Variants in PRKACB observed in about 807,000 individuals in gnomAD.
PRKACB encodes protein kinase cAMP-activated catalytic subunit beta, also known as cAMP-dependent protein kinase catalytic subunit beta.
A neutral mutation model predicts 51.4 loss-of-function variants in PRKACB; 16 were observed. The ratio of observed to expected loss-of-function variants is 0.31; its 90% confidence interval spans 0.21 to 0.47. The LOEUF (loss-of-function observed/expected upper bound fraction) is 0.47, where lower values mean the gene tolerates loss of function less well. Ranked by LOEUF, PRKACB falls within the 20% of genes least tolerant of loss-of-function variation. PRKACB has a pLI of 1.00. For synonymous variants in PRKACB, 147 were observed against 154.4 expected, an observed-to-expected ratio of 0.95 and a Z score of 0.35; for missense variants, 309 against 464.5, an observed-to-expected ratio of 0.67 and a Z score of 3.08.
intron 8 of PRKACB, among the ~76,000 whole-genome samples, chr1:84,206,207 C>T (rs1671319595): frequency 6.6e-6 from 1 of 152,070 alleles, no homozygotes; most frequent in African/African-American, 2.4e-5. Flanking sequence ...TGTTCCACTC[C>T]TAATGAGTAA....
At chr1:84,131,357 A>T (rs943968862) in intron 1 of PRKACB, among the ~76,000 whole-genome samples, 1 of 151,522 alleles carries the variant, frequency 6.6e-6, no homozygotes, top group Non-Finnish European at 1.5e-5. Context: ...AAAAAAAAAA[A>T]TTAATTCTAA....
At chr1:84,232,093 T>C (rs1342559789) in intron 9 of PRKACB, among the ~76,000 whole-genome samples, 2 of 152,186 alleles carry the variant, frequency 1.3e-5, no homozygotes, top group African/African-American at 4.8e-5. Context: ...CTGCTTTGAA[T>C]GTGTCCCAGA....
intron 9 of PRKACB, among the ~76,000 whole-genome samples, chr1:84,227,339 T>C (rs1459821319): frequency 6.6e-6 from 1 of 152,164 alleles, no homozygotes. Flanking sequence ...CATTTCCCTT[T>C]CTAATTATCA....
intron 1 of PRKACB, chr1:84,175,770 C>T: frequency 6.4e-7 from 1 of 1,558,872 alleles, no homozygotes; most frequent in Non-Finnish European, 8.7e-7. Context: ...GTGAATGTTC[C>T]TGCAAACAAA....
intron 3 of PRKACB, 59 bp from the exon 4 acceptor site, chr1:84,183,978 A>C: frequency 9.7e-6 from 14 of 1,436,746 alleles, no homozygotes; most frequent in Non-Finnish European, 1.3e-5. Context: ...CATTTTTTTA[A>C]ATGATAACTT....
At chr1:84,137,369 A>G (rs1318261384) in intron 1 of PRKACB, among the ~76,000 whole-genome samples, 1 of 152,206 alleles carries the variant, frequency 6.6e-6, no homozygotes, top group African/African-American at 2.4e-5. Context: ...GTGGTAAAAA[A>G]TATCATTAGG....
intron 8 of PRKACB, among the ~76,000 whole-genome samples, chr1:84,208,888 T>C (rs966715004): frequency 2.0e-5 from 3 of 152,198 alleles, no homozygotes; most frequent in Non-Finnish European, 4.4e-5. Context: ...TGTATGTAAG[T>C]AGAGTTGGGA....
At position 84,221,399 on chromosome 1, in the gene PRKACB, T is replaced by G. The variant is rs532184061; in HGVS notation, c.1071+7082T>G. Among the ~76,000 whole-genome samples the G allele has an allele frequency of 3.7e-4, 56 of 152,114 alleles. No individual in the cohort carries two copies. In the South Asian group the frequency reaches 8.9e-3, roughly 24 times the overall value. On this transcript the variant is annotated intron_variant, in intron 9 of 9. Coordinates refer to ENST00000370685, the MANE Select transcript of PRKACB (RefSeq NM_182948.4). Reference sequence around the variant, plus strand: ...GTTATTTTTTTAAAAAAAAAACCTTTCATTTTTATGATCCTTTGTATGTTT... The same window carrying G: ...GTTATTTTTTTAAAAAAAAAACCTTGCATTTTTATGATCCTTTGTATGTTT...
intron 1 of PRKACB, among the ~76,000 whole-genome samples, chr1:84,160,307 T>C (rs1229045181): frequency 6.6e-6 from 1 of 151,928 alleles, no homozygotes; most frequent in Non-Finnish European, 1.5e-5. Context: ...AGTTTTTCCA[T>C]TTCATCTGTT....
chr1:84,230,912 A>G (rs1572593911), intron 9 of PRKACB, among the ~76,000 whole-genome samples: 1 of 142,630 alleles, frequency 7.0e-6, no homozygotes. Context: ...CTAATTGAAT[A>G]CCCTTTATTT....
rs576378880 is a variant in PRKACB, at chr1:84,196,527, C to G, written c.561-89C>G. 6.1e-6 allele frequency: 8 copies of G among 1,312,922 alleles called. No homozygotes were observed. The Admixed American group carries it at 1.5e-4, about 24-fold the overall frequency. 81.3% of individuals were successfully genotyped at this position (1,312,922 alleles called of 1,614,324 possible). On this transcript the variant is annotated intron_variant, in intron 5 of 9. Transcript: ENST00000370685. Reference sequence around the variant, plus strand: ...AATACTTTTTGTTCCCAAAGTACCTCTACTTCATATTAGTTTTTATGCATA... The same window carrying G: ...AATACTTTTTGTTCCCAAAGTACCTGTACTTCATATTAGTTTTTATGCATA...
At position 84,237,938 on chromosome 1, in the gene PRKACB, G is replaced by A. The variant is rs1676798055; in HGVS notation, c.*2633G>A. 1 of 152,126 alleles carries A rather than the reference G, an allele frequency of 6.6e-6. No homozygotes were observed. Among genetic ancestry groups the A allele is most frequent in the South Asian group, 2.1e-4 (1 of 4,830 alleles). 9.4% of individuals were successfully genotyped at this position (152,126 alleles called of 1,614,324 possible). Reference sequence around the variant, plus strand: ...TGTAAGATTCCTCCTAACTTTCACAGTCGATGACAAGATTGTCTTTTTATC... The same window carrying A: ...TGTAAGATTCCTCCTAACTTTCACAATCGATGACAAGATTGTCTTTTTATC... On this transcript the variant is annotated 3_prime_UTR_variant, in exon 10 of 10. Coordinates refer to ENST00000370685, the MANE Select transcript of PRKACB (RefSeq NM_182948.4).
At chr1:84,130,807 T>A (rs1652108412) in intron 1 of PRKACB, among the ~76,000 whole-genome samples, 1 of 152,190 alleles carries the variant, frequency 6.6e-6, no homozygotes, top group South Asian at 2.1e-4. Flanking sequence ...AAATAAGTGA[T>A]ACCAGAGAGA....
rs1031892363 is a variant in PRKACB, at chr1:84,078,229, C to A, written c.-97C>A. 8.6e-6 allele frequency: 12 copies of A among 1,396,826 alleles called. No homozygotes were observed. The African/African-American group carries it at 1.6e-4, about 19-fold the overall frequency. 86.5% of individuals were successfully genotyped at this position (1,396,826 alleles called of 1,614,324 possible). ...GCGCTAGGCGCACTCACCGCTCTGA[C>A]GGGTGCAGACGCGGGAGTTGTCCCA... On this transcript the variant is annotated 5_prime_UTR_variant, in exon 1 of 9. Transcript: ENST00000370688.
At chr1:84,169,936 T>C (rs1658865939) in intron 1 of PRKACB, among the ~76,000 whole-genome samples, 1 of 151,692 alleles carries the variant, frequency 6.6e-6, no homozygotes, top group Non-Finnish European at 1.5e-5. Flanking sequence ...AATTGGAGAC[T>C]AGATAACTTA....
At chr1:84,214,398 C>T (rs1406598346) in intron 9 of PRKACB, 81 bp downstream of exon 9, 36 of 1,290,676 alleles carry the variant, frequency 2.8e-5, no homozygotes, top group Non-Finnish European at 3.5e-5. Flanking sequence ...TTCAACTTAA[C>T]ACATAGTTTT....
At chr1:84,231,672 T>G (rs1033776410) in intron 9 of PRKACB, among the ~76,000 whole-genome samples, 16 of 152,330 alleles carry the variant, frequency 1.1e-4, no homozygotes, top group East Asian at 5.8e-4. Flanking sequence ...GTCGAGGAAT[T>G]TATCCATTTC....
At chr1:84,223,520 C>T (rs637187) in intron 9 of PRKACB, among the ~76,000 whole-genome samples, 144,825 of 151,908 alleles carry the variant, frequency 0.95, 69,450 homozygotes, top group East Asian at 1. Flanking sequence ...AGGCACCCGC[C>T]ACCATGCCCC....
chr1:84,137,970 G>A (rs1445721131), intron 1 of PRKACB, among the ~76,000 whole-genome samples: 1 of 152,162 alleles, frequency 6.6e-6, no homozygotes, highest in Non-Finnish European at 1.5e-5. Flanking sequence ...ATCGATAAGG[G>A]AATAGGCAAA....
Sources: gnomAD v4.1 joint callset for allele counts (sites outside exome capture counted in the v4.1 genomes callset) on GRCh38, gnomAD v4.1.1 for gene constraint, MANE v1.5 for transcripts, NCBI Gene and HGNC (gene_info 2026-07-23, HGNC 2026-07-21) for gene names.